Variants in ZFPM1 observed in about 807,000 individuals in gnomAD.
ZFPM1 encodes the protein zinc finger protein ZFPM1.
In ZFPM1, 28 loss-of-function variants were observed where a neutral mutation model predicts 46.3. The ratio of observed to expected loss-of-function variants is 0.60; its 90% confidence interval spans 0.45 to 0.83. The LOEUF is 0.83. Among genes scored for constraint, ZFPM1 ranks in the 40% least tolerant of loss-of-function variants. The pLI is 0.00. For missense variants in ZFPM1, 1,878 were observed against 1,432.4 expected, an observed-to-expected ratio of 1.31 and a Z score of -5.02; for synonymous variants, 957 against 675.9, an observed-to-expected ratio of 1.42 and a Z score of -6.45.
chr16:88,456,004 A>G (rs536816753), intron 1 of ZFPM1, among the ~76,000 whole-genome samples: 1 of 152,126 alleles, frequency 6.6e-6, no homozygotes, highest in Non-Finnish European at 1.5e-5. Flanking sequence ...ATCTTTGGCC[A>G]CCAGGCCCGG....
chr16:88,489,615 CGG>C (rs1278512231), intron 3 of ZFPM1, among the ~76,000 whole-genome samples: 1 of 152,218 alleles, frequency 6.6e-6, no homozygotes, highest in African/African-American at 2.4e-5. Flanking sequence ...CACTCCAGAG[CGG>C]CTGCAGCCTA....
intron 4 of ZFPM1, among the ~76,000 whole-genome samples, chr16:88,521,224 T>C (rs968832657): frequency 1.3e-5 from 2 of 151,404 alleles, no homozygotes; most frequent in Non-Finnish European, 2.9e-5. Context: ...CACTCCATGC[T>C]GTTTCCCCCG....
intron 4 of ZFPM1, among the ~76,000 whole-genome samples, chr16:88,523,884 C>T (rs4782324): frequency 0.87 from 132,230 of 152,242 alleles, 60,514 homozygotes; most frequent in East Asian, 1. Flanking sequence ...CGCCCCGTCG[C>T]GCCCCACATA....
intron 1 of ZFPM1, among the ~76,000 whole-genome samples, chr16:88,458,774 G>A (rs1009348566): frequency 6.6e-6 from 1 of 152,192 alleles, no homozygotes. Context: ...CACAGAGGGG[G>A]AAACTGAGGC....
In ZFPM1 at chr16:88,532,159, C is replaced by T. The variant is rs1912837527; in HGVS notation, c.870C>T (p.Arg290=). 1 of 1,612,542 alleles carries T rather than the reference C, an allele frequency of 6.2e-7. No homozygotes were observed. Among genetic ancestry groups the T allele is most frequent in the South Asian group, 1.1e-5 (1 of 91,056 alleles). The change falls in exon 7 of 10, where the codon CGC becomes CGT. Residue 290 remains arginine, a synonymous_variant. Transcript: ENST00000319555. ...CCAAAGAGACCTACCCCAACGAGCG[C>T]GTCTGCCCCTTCCCCCAGTGCCGCA... is the stretch of plus-strand genomic sequence containing the variant. The part of the protein sequence containing the change: ...EKPKETYPNE[R]VCPFPQCRKS...
chr16:88,517,725 G>C (rs1400884372), intron 4 of ZFPM1, among the ~76,000 whole-genome samples: 1 of 137,676 alleles, frequency 7.3e-6, no homozygotes, highest in Non-Finnish European at 1.5e-5. Flanking sequence ...TGGGTGGATA[G>C]ATGGATGGAT....
At chr16:88,491,325 C>T (rs575446005) in intron 3 of ZFPM1, among the ~76,000 whole-genome samples, 5 of 152,338 alleles carry the variant, frequency 3.3e-5, no homozygotes, top group Admixed American at 6.5e-5. Flanking sequence ...AGACCACCCA[C>T]GCAGTGGCAG....
intron 1 of ZFPM1, among the ~76,000 whole-genome samples, chr16:88,466,515 G>T (rs569650010): frequency 6.6e-6 from 1 of 152,148 alleles, no homozygotes; most frequent in African/African-American, 2.4e-5. Flanking sequence ...GGGCTCACCC[G>T]TACCTTTCAG....
At chr16:88,453,707 C>T in intron 1 of ZFPM1, 29 bp downstream of exon 1, 1 of 1,179,078 alleles carries the variant, frequency 8.5e-7, no homozygotes, top group Non-Finnish European at 1.1e-6. Flanking sequence ...GCGGTCCCCT[C>T]CGCGCGCCCG....
intron 1 of ZFPM1, among the ~76,000 whole-genome samples, chr16:88,462,604 G>A (rs1358722467): frequency 3.3e-5 from 5 of 152,194 alleles, no homozygotes; most frequent in African/African-American, 1.2e-4. Flanking sequence ...GAGAAGGAGA[G>A]GGCAGCCACC....
chr16:88,502,065 CATTTATTTATTTATT>C lies in ZFPM1; in HGVS notation c.269-12321_269-12307del, dbSNP rs1308669280. 5.7e-3 allele frequency among the ~76,000 whole-genome samples: 418 copies of C among 72,928 alleles called. 3 individuals are homozygous for C. The highest frequency in any genetic ancestry group is 0.02 in the African/African-American group (394 of 19,650). 47.8% of individuals were successfully genotyped at this position (72,928 alleles called of 152,430 possible). A position where few individuals can be genotyped will look rare whatever the true frequency, so the allele number is the denominator to read the frequency against. ...CGACGCGGCTCCACCCGCCCCCCCC[CATTTATTTATTTATT>C]TATTTATTTATTTATTTATTTATTT... On this transcript the variant is annotated intron_variant, in intron 3 of 9. Coordinates refer to ENST00000319555, the MANE Select transcript of ZFPM1 (RefSeq NM_153813.3).
At chr16:88,531,235 G>C (rs901670712) in intron 6 of ZFPM1, among the ~76,000 whole-genome samples, 16 of 152,200 alleles carry the variant, frequency 1.1e-4, no homozygotes, top group Non-Finnish European at 1.5e-5. Context: ...GGGCAGATGG[G>C]GCAGGGCTCT....
intron 4 of ZFPM1, among the ~76,000 whole-genome samples, chr16:88,523,206 CAA>C (rs71391390): frequency 1.4e-4 from 16 of 110,826 alleles, no homozygotes; most frequent in African/African-American, 2.1e-4. Flanking sequence ...GACTTCATCT[CAA>C]AAAAAAAAAA....
At chr16:88,512,630 C>T (rs965098473) in intron 3 of ZFPM1, among the ~76,000 whole-genome samples, 4 of 152,140 alleles carry the variant, frequency 2.6e-5, no homozygotes, top group African/African-American at 9.7e-5. Flanking sequence ...TCTGACAGTC[C>T]GGATGGGATT....
At position 88,501,711 on chromosome 16, in the gene ZFPM1, C is replaced by G. The variant is rs534821989; in HGVS notation, c.268+12558C>G. ...GTGCAGGGCCTCTCCCGCAGGTGCT[C>G]TTGATGATGGAGGTAACGGGTGTGG... On this transcript the variant is annotated intron_variant, in intron 3 of 9. Coordinates refer to ENST00000319555, the MANE Select transcript of ZFPM1 (RefSeq NM_153813.3). 2.0e-4 allele frequency among the ~76,000 whole-genome samples: 25 copies of G among 127,858 alleles called. 1 individual carries two copies. The highest frequency in any genetic ancestry group is 6.5e-4 in the African/African-American group (21 of 32,466). The allele number at this position is 127,858 out of a possible 152,430, so 83.9% of individuals were successfully genotyped here.
chr16:88,458,149 C>T (rs1016964665), intron 1 of ZFPM1, among the ~76,000 whole-genome samples: 2 of 152,160 alleles, frequency 1.3e-5, no homozygotes, highest in Admixed American at 6.5e-5. Context: ...CCCAGGCGGC[C>T]GGGCCTGCGC....
At chr16:88,464,854 G>A (rs919812319) in intron 1 of ZFPM1, among the ~76,000 whole-genome samples, 4 of 152,130 alleles carry the variant, frequency 2.6e-5, no homozygotes, top group Admixed American at 6.5e-5. Flanking sequence ...CCAGCTTCTC[G>A]GTGGCCAATA....
intron 6 of ZFPM1, chr16:88,530,809 A>C (rs1912728969): frequency 6.6e-6 from 1 of 152,342 alleles, no homozygotes; most frequent in Non-Finnish European, 1.5e-5. Flanking sequence ...CTGAGAGAGG[A>C]CAGAGCTGCC....
intron 3 of ZFPM1, among the ~76,000 whole-genome samples, chr16:88,513,836 C>T (rs1911117589): frequency 6.6e-6 from 1 of 152,198 alleles, no homozygotes; most frequent in Non-Finnish European, 1.5e-5. Context: ...ATGGCTGCCT[C>T]CCATCTCCAC....
Sources: allele counts gnomAD v4.1 joint callset (sites outside exome capture counted in the v4.1 genomes callset), GRCh38; gene constraint gnomAD v4.1.1; transcripts MANE v1.5; gene names NCBI Gene and HGNC (gene_info 2026-07-23, HGNC 2026-07-21).